RAB11FIP4: variants seen among roughly 807,000 people sequenced by gnomAD.
RAB11FIP4 encodes RAB11 family interacting protein 4, also known as rab11 family-interacting protein 4.
Under a neutral mutation model 74.3 loss-of-function variants are expected in RAB11FIP4, and 23 were observed. The ratio of observed to expected loss-of-function variants is 0.31; its 90% confidence interval spans 0.22 to 0.44. RAB11FIP4 has a LOEUF of 0.44. Ranked by LOEUF, RAB11FIP4 falls within the 20% of genes least tolerant of loss-of-function variation. RAB11FIP4 has a pLI of 1.00. For synonymous variants in RAB11FIP4, 360 were observed against 359.9 expected (o/e 1.00, Z 0.00); for missense variants, 630 against 863.9 (o/e 0.73, Z 3.39).
intron 8 of RAB11FIP4, 110 bp downstream of exon 8, chr17:31,523,721 G>A: frequency 8.5e-7 from 1 of 1,173,142 alleles, no homozygotes; most frequent in Admixed American, 1.7e-5. Flanking sequence ...ACCTGCCTAG[G>A]AATTGGGGGC....
At position 31,536,833 on chromosome 17, in the gene RAB11FIP4, C is replaced by T; in HGVS notation, c.*5101C>T. ...GCTACCCACCAGAGAAAATAGGCTG[C>T]CTTCTAGAAAGATTTGTTTCTAAAA... is the stretch of plus-strand genomic sequence containing the variant. On this transcript the variant is annotated 3_prime_UTR_variant, in exon 15 of 15. Coordinates refer to ENST00000621161, the MANE Select transcript of RAB11FIP4 (RefSeq NM_032932.6). 2.5e-6 allele frequency: 1 copy of T among 397,100 alleles called. No individual in the cohort carries two copies. The highest frequency in any genetic ancestry group is 1.4e-4 in the South Asian group (1 of 7,016). The allele number at this position is 397,100 out of a possible 1,614,324, so 24.6% of individuals were successfully genotyped here. A position where few individuals can be genotyped will look rare whatever the true frequency, so the allele number is the denominator to read the frequency against.
Position 31,517,730 on chromosome 17 carries a change from A to T in RAB11FIP4, c.416A>T (p.Glu139Val). ...REPGFFPEDEEEAMTLAPPEG... is the reference protein window; with the variant it reads ...REPGFFPEDEVEAMTLAPPEG... ...CCCGGCTTTTTTCCCGAGGACGAGG[A>T]GGAGGCTATGACGCTGGCGCCACCT... Residue 139 changes from glutamate to valine, a missense_variant, in exon 4 of 15, where the codon GAG becomes GTG. Glu to Val is a moderately radical substitution (Grantham distance 121). Transcript: ENST00000621161. 1 of 1,599,516 alleles carries T rather than the reference A, an allele frequency of 6.3e-7. No individual in the cohort carries two copies. Among genetic ancestry groups the T allele is most frequent in the East Asian group, 2.2e-5 (1 of 44,530 alleles).
At chr17:31,486,359 C>G (rs980342418) in intron 3 of RAB11FIP4, among the ~76,000 whole-genome samples, 1 of 152,064 alleles carries the variant, frequency 6.6e-6, no homozygotes. Context: ...TCTTCAGCCT[C>G]CCAAGTAGCT....
At chr17:31,453,792 C>CAA (rs555119408) in intron 3 of RAB11FIP4, among the ~76,000 whole-genome samples, 54 of 62,428 alleles carry the variant, frequency 8.6e-4, no homozygotes, top group African/African-American at 1.6e-3. Flanking sequence ...AGACTCGTCT[C>CAA]AAAAAAAAAA....
intron 1 of RAB11FIP4, among the ~76,000 whole-genome samples, chr17:31,426,314 G>A (rs2071249281): frequency 6.6e-6 from 1 of 152,130 alleles, no homozygotes; most frequent in South Asian, 2.1e-4. Flanking sequence ...CGTTACCACT[G>A]CAGTGACTTT....
Position 31,522,354 on chromosome 17 carries a change from C to G in RAB11FIP4, c.894-6C>G. The G allele has an allele frequency of 6.2e-7, 1 of 1,613,922 alleles. No homozygotes were observed. The highest frequency in any genetic ancestry group is 8.5e-7 in the Non-Finnish European group (1 of 1,179,852). On this transcript the variant is annotated splice_polypyrimidine_tract_variant and splice_region_variant and intron_variant, in intron 6 of 14. Transcript: ENST00000621161. ...TGTTCAATGACTGTTTCCTTTCTCT[C>G]TCTAGCCCCAACCGAAAGATCTCCA...
At chr17:31,496,199 G>A (rs2072112993) in intron 3 of RAB11FIP4, among the ~76,000 whole-genome samples, 2 of 152,226 alleles carry the variant, frequency 1.3e-5, no homozygotes, top group African/African-American at 2.4e-5. Flanking sequence ...GGACCCTGAT[G>A]TGGTTCAAGG....
chr17:31,482,969 C>T lies in RAB11FIP4; in HGVS notation c.337-34682C>T, dbSNP rs549419077. On this transcript the variant is annotated intron_variant, in intron 3 of 14. Transcript: ENST00000621161. Reference sequence around the variant, plus strand: ...CAGCACTTTGGGAGGCCGAGGCGGGCGGATCACGGGATCAGGAGTTCGAGG... The same window carrying T: ...CAGCACTTTGGGAGGCCGAGGCGGGTGGATCACGGGATCAGGAGTTCGAGG... Among the ~76,000 whole-genome samples, 6 of 152,024 alleles carry T rather than the reference C, an allele frequency of 3.9e-5. No individual in the cohort carries two copies. The East Asian group carries it at 5.8e-4, about 15-fold the overall frequency.
At position 31,444,756 on chromosome 17, in the gene RAB11FIP4, A is replaced by C. The variant is rs528789543; in HGVS notation, c.336+10634A>C. On this transcript the variant is annotated intron_variant, in intron 3 of 14. Transcript: ENST00000621161. The stretch of plus-strand genomic sequence containing the variant: ...TTTTAAAGCTGAGCAGGAGGGAAAA[A>C]TTTGGGTTTTATGAACCTGTAGGAC... 1.0e-3 allele frequency among the ~76,000 whole-genome samples: 157 copies of C among 152,264 alleles called. 1 individual carries two copies. The highest frequency in any genetic ancestry group is 3.6e-3 in the African/African-American group (148 of 41,558).
At chr17:31,519,182 T>C (rs2072618378) in intron 4 of RAB11FIP4, among the ~76,000 whole-genome samples, 1 of 151,730 alleles carries the variant, frequency 6.6e-6, no homozygotes, top group African/African-American at 2.4e-5. Flanking sequence ...GCCTGGCTAA[T>C]TTTTTGTATT....
At chr17:31,482,256 G>A (rs1392137848) in intron 3 of RAB11FIP4, among the ~76,000 whole-genome samples, 1 of 151,054 alleles carries the variant, frequency 6.6e-6, no homozygotes, top group East Asian at 2.0e-4. Flanking sequence ...ACTGGCGAGA[G>A]AGGGCTTTTG....
intron 3 of RAB11FIP4, among the ~76,000 whole-genome samples, chr17:31,440,540 A>T (rs190340556): frequency 6.6e-6 from 1 of 152,326 alleles, no homozygotes; most frequent in Admixed American, 6.5e-5. Flanking sequence ...AGGCCAAGGC[A>T]GGTGGATCAC....
chr17:31,524,073 A>C (rs990008965), intron 9 of RAB11FIP4, 77 bp downstream of exon 9: 1 of 1,017,226 alleles, frequency 9.8e-7, no homozygotes, highest in Non-Finnish European at 1.5e-6. Context: ...TAAGACCTCC[A>C]GGAGGAGGCA....
Position 31,537,747 on chromosome 17 carries a change from C to G in RAB11FIP4, c.*6015C>G, listed in dbSNP as rs2072990559. 6.5e-6 allele frequency: 1 copy of G among 153,366 alleles called. No homozygotes were observed. The highest frequency in any genetic ancestry group is 1.5e-5 in the Non-Finnish European group (1 of 68,624). 9.5% of individuals were successfully genotyped at this position (153,366 alleles called of 1,614,324 possible). A position where few individuals can be genotyped will look rare whatever the true frequency, so the allele number is the denominator to read the frequency against. ...GCCCCTGCCTGCTGTGAACACCTGC[C>G]CAGCCCTTCCTTGTCTGCTGAGGTG... On this transcript the variant is annotated 3_prime_UTR_variant, in exon 15 of 15. Coordinates refer to ENST00000621161, the MANE Select transcript of RAB11FIP4 (RefSeq NM_032932.6).
In RAB11FIP4 at chr17:31,531,750, A is replaced by T; in HGVS notation, c.*18A>T. 3 of 1,547,708 alleles carry T rather than the reference A, an allele frequency of 1.9e-6. No homozygotes were observed. Among genetic ancestry groups the T allele is most frequent in the Non-Finnish European group, 1.8e-6 (2 of 1,119,272 alleles). On this transcript the variant is annotated 3_prime_UTR_variant, in exon 15 of 15. Transcript: ENST00000621161. ...AACACTAAGGCACGGGGCTGGCTGCAGAGCAGCCTTAGGACCCTGGGACCA... is the reference window on the plus strand; with the variant it reads ...AACACTAAGGCACGGGGCTGGCTGCTGAGCAGCCTTAGGACCCTGGGACCA...
chr17:31,441,453 TGTATA>T (rs1279310218), intron 3 of RAB11FIP4, among the ~76,000 whole-genome samples: 1 of 152,192 alleles, frequency 6.6e-6, no homozygotes, highest in Non-Finnish European at 1.5e-5. Context: ...TTACAACTGA[TGTATA>T]GGATAGGTTT....
chr17:31,522,402 C>G lies in RAB11FIP4; in HGVS notation c.929+7C>G. Reference sequence around the variant, plus strand: ...CCAGCACGGCCTTTGGACGGTAAGGCCCGCCTCGAGGGAGGGCAAATTGAG... The same window carrying G: ...CCAGCACGGCCTTTGGACGGTAAGGGCCGCCTCGAGGGAGGGCAAATTGAG... On this transcript the variant is annotated splice_region_variant and intron_variant, in intron 7 of 14. Coordinates refer to ENST00000621161, the MANE Select transcript of RAB11FIP4 (RefSeq NM_032932.6). 6.2e-7 allele frequency: 1 copy of G among 1,613,512 alleles called. No individual in the cohort carries two copies. The highest frequency in any genetic ancestry group is 8.5e-7 in the Non-Finnish European group (1 of 1,179,736).
chr17:31,464,428 G>A (rs2071664355), intron 3 of RAB11FIP4, among the ~76,000 whole-genome samples: 1 of 152,112 alleles, frequency 6.6e-6, no homozygotes, highest in Admixed American at 6.6e-5. Flanking sequence ...AAATGGGGAT[G>A]GGGATGGGAC....
rs891038863 is a variant in RAB11FIP4 at position 31,536,042 on chromosome 17, G to C, written c.*4310G>C. On this transcript the variant is annotated 3_prime_UTR_variant, in exon 15 of 15. Transcript: ENST00000621161. The stretch of plus-strand genomic sequence containing the variant: ...GTGCTGGTGTTCAGGGGAGTTGGGG[G>C]GGGGGGGCGCGGGGACAGAAGCGCG... 4 of 152,066 alleles carry C rather than the reference G, an allele frequency of 2.6e-5. No homozygotes were observed. The highest frequency in any genetic ancestry group is 2.1e-4 in the South Asian group (1 of 4,810). 9.4% of individuals were successfully genotyped at this position (152,066 alleles called of 1,614,324 possible). A position where few individuals can be genotyped will look rare whatever the true frequency, so the allele number is the denominator to read the frequency against.
Sources: allele counts gnomAD v4.1 joint callset (sites outside exome capture counted in the v4.1 genomes callset), GRCh38; gene constraint gnomAD v4.1.1; transcripts MANE v1.5; gene names NCBI Gene and HGNC (gene_info 2026-07-23, HGNC 2026-07-21).